DDX46: variants seen among roughly 807,000 people sequenced by gnomAD.
DDX46 encodes probable ATP-dependent RNA helicase DDX46.
In DDX46, 30 loss-of-function variants were observed where a neutral mutation model predicts 134.9. That is an observed-to-expected ratio of 0.22 (90% confidence interval 0.17 to 0.30). DDX46 has a LOEUF of 0.30. Among genes scored for constraint, DDX46 ranks in the 10% least tolerant of loss-of-function variants. The probability of loss-of-function intolerance (pLI) is 1.00; values close to 1 mark genes in which losing one functional copy is unlikely to be tolerated. For missense variants in DDX46, 622 were observed against 1,248.7 expected, an observed-to-expected ratio of 0.50 and a Z score of 7.56; for synonymous variants, 415 against 404.1, an observed-to-expected ratio of 1.03 and a Z score of -0.32.
intron 21 of DDX46, among the ~76,000 whole-genome samples, chr5:134,819,742 C>T (rs1755389853): frequency 6.6e-6 from 1 of 151,780 alleles, no homozygotes; most frequent in South Asian, 2.1e-4. Flanking sequence ...TTTTGGTGCC[C>T]AGGCTGGTCT....
At chr5:134,768,781 C>CT (rs1270940166) in intron 3 of DDX46, among the ~76,000 whole-genome samples, 1 of 152,116 alleles carries the variant, frequency 6.6e-6, no homozygotes, top group Non-Finnish European at 1.5e-5. Flanking sequence ...CATTAGAAGT[C>CT]TGGGTGAAGT....
At chr5:134,768,547 G>C (rs1278833282) in intron 3 of DDX46, among the ~76,000 whole-genome samples, 1 of 151,246 alleles carries the variant, frequency 6.6e-6, no homozygotes, top group Non-Finnish European at 1.5e-5. Flanking sequence ...TTAGAAGTTT[G>C]TGCCAGAGAG....
intron 6 of DDX46, chr5:134,777,942 G>T: frequency 2.4e-6 from 1 of 413,604 alleles, no homozygotes; most frequent in South Asian, 4.9e-5. Context: ...CATCAACTTA[G>T]TTTGATATCT....
intron 4 of DDX46, among the ~76,000 whole-genome samples, chr5:134,772,376 G>A (rs1029177488): frequency 9.2e-5 from 14 of 152,162 alleles, no homozygotes; most frequent in East Asian, 5.8e-4. Context: ...ACAAAAATTA[G>A]CTGGGTGTGG....
At chr5:134,798,396 T>A (rs866659363) in intron 15 of DDX46, among the ~76,000 whole-genome samples, 2 of 152,072 alleles carry the variant, frequency 1.3e-5, no homozygotes, top group African/African-American at 4.8e-5. Context: ...AGAGACAGGG[T>A]TACGCCATGT....
At chr5:134,797,779 G>A (rs1169824903) in intron 15 of DDX46, among the ~76,000 whole-genome samples, 9 of 152,144 alleles carry the variant, frequency 5.9e-5, no homozygotes, top group Non-Finnish European at 1.3e-4. Flanking sequence ...TTGAAGATTT[G>A]TGTTTGGTTA....
In DDX46 at chr5:134,767,071, C is replaced by A; in HGVS notation, c.350+11C>A. On this transcript the variant is annotated intron_variant, in intron 3 of 22. Coordinates refer to ENST00000452510, the MANE Select transcript of DDX46 (RefSeq NM_001300860.2). ...GAAAACTGAGAATAGGTAATGTTAT[C>A]ATTGGGCTGCATCTATAGTGCAGAC... 6.2e-7 allele frequency: 1 copy of A among 1,609,050 alleles called. No homozygotes were observed. The highest frequency in any genetic ancestry group is 1.7e-5 in the Admixed American group (1 of 58,986).
At chr5:134,791,038 G>A (rs1337122711) in intron 13 of DDX46, among the ~76,000 whole-genome samples, 4 of 152,158 alleles carry the variant, frequency 2.6e-5, no homozygotes, top group African/African-American at 9.7e-5. Context: ...GGCTGGTCTC[G>A]AACTCCTGAC....
At chr5:134,780,299 C>CA (rs1491561043) in intron 6 of DDX46, among the ~76,000 whole-genome samples, 2 of 150,256 alleles carry the variant, frequency 1.3e-5, no homozygotes, top group Admixed American at 6.7e-5. Context: ...TGTGCTGACT[C>CA]ACGCCTGTCA....
chr5:134,761,261 GCT>G (rs1753375933), intron 1 of DDX46, among the ~76,000 whole-genome samples: 1 of 152,228 alleles, frequency 6.6e-6, no homozygotes, highest in African/African-American at 2.4e-5. Context: ...CTGAGGTCAA[GCT>G]CTCTGCCCAC....
In DDX46 at chr5:134,768,222, G is replaced by T. The variant is rs1315792656; in HGVS notation, c.350+1162G>T. On this transcript the variant is annotated intron_variant, in intron 3 of 22. Transcript: ENST00000452510. ...CCTCCCGGGTTCAAGTAATTCTCTT[G>T]CCTCAGCCTCCCGAGTAGCTGGGAC... is the stretch of plus-strand genomic sequence containing the variant. Among the ~76,000 whole-genome samples, 3 of 151,122 alleles carry T rather than the reference G, an allele frequency of 2.0e-5. No individual in the cohort carries two copies. The Admixed American group carries it at 2.0e-4, about 10-fold the overall frequency.
intron 15 of DDX46, chr5:134,804,656 C>T (rs905847889): frequency 1.4e-5 from 3 of 209,458 alleles, no homozygotes; most frequent in African/African-American, 7.0e-5. Flanking sequence ...GCCCGTTTGT[C>T]TTAATAAATT....
In DDX46 at chr5:134,811,865, C is replaced by G; in HGVS notation, c.2436+20C>G. On this transcript the variant is annotated intron_variant, in intron 18 of 22. Transcript: ENST00000452510. The stretch of plus-strand genomic sequence containing the variant: ...GTTGATGTAAGTACTATTATTCTCT[C>G]ATTCTTAATTGAAGCAGTTATTTCT... The G allele has an allele frequency of 6.3e-7, 1 of 1,599,004 alleles. No individual in the cohort carries two copies. Among genetic ancestry groups the G allele is most frequent in the Non-Finnish European group, 8.5e-7 (1 of 1,175,510 alleles).
intron 15 of DDX46, among the ~76,000 whole-genome samples, chr5:134,796,852 A>AT (rs1379554262): frequency 7.7e-5 from 10 of 129,984 alleles, no homozygotes; most frequent in Admixed American, 5.2e-4. Context: ...GACTCTCTCC[A>AT]TAAAAAAAAA....
chr5:134,827,692 C>T (rs2548967), intron 22 of DDX46, among the ~76,000 whole-genome samples: 3 of 152,072 alleles, frequency 2.0e-5, no homozygotes, highest in East Asian at 1.9e-4. Context: ...TTGAGGAGAT[C>T]GGTCCATGTT....
intron 3 of DDX46, among the ~76,000 whole-genome samples, chr5:134,769,327 G>GTTTT (rs1026334806): frequency 9.0e-4 from 90 of 100,450 alleles, no homozygotes; most frequent in African/African-American, 2.1e-3. Context: ...TATTTTCAAG[G>GTTTT]TTTTTTTTTT....
At position 134,807,952 on chromosome 5, in the gene DDX46, G is replaced by T. The variant is rs1755035575; in HGVS notation, c.2148+11G>T. 1 of 1,577,186 alleles carries T rather than the reference G, an allele frequency of 6.3e-7. No homozygotes were observed. The highest frequency in any genetic ancestry group is 8.6e-7 in the Non-Finnish European group (1 of 1,160,360). ...AGAGCAGGAAACAAGGTAAAAATAA[G>T]TTTTTTATAGTTGATCTTCATTATA... On this transcript the variant is annotated intron_variant, in intron 16 of 22. Transcript: ENST00000452510.
chr5:134,820,053 C>T (rs1261188565), intron 21 of DDX46, among the ~76,000 whole-genome samples: 1 of 152,044 alleles, frequency 6.6e-6, no homozygotes, highest in Non-Finnish European at 1.5e-5. Flanking sequence ...TCCCAAGTAG[C>T]TGGGATTACA....
intron 22 of DDX46, 119 bp downstream of exon 22, chr5:134,827,139 A>G (rs1328209697): frequency 1.0e-6 from 1 of 991,906 alleles, no homozygotes. Context: ...ACAAAGTAAT[A>G]AGCATACCAG....
Sources: allele counts gnomAD v4.1 joint callset (sites outside exome capture counted in the v4.1 genomes callset), GRCh38; gene constraint gnomAD v4.1.1; transcripts MANE v1.5; gene names NCBI Gene and HGNC (gene_info 2026-07-23, HGNC 2026-07-21).